COMP: variants seen among roughly 807,000 people sequenced by gnomAD.
COMP encodes the protein cartilage oligomeric matrix protein, also known as cartilage oligomeric matrix protein (pseudoachondroplasia, epiphyseal dysplasia 1, multiple).
A neutral mutation model predicts 95.8 loss-of-function variants in COMP; 79 were observed. The ratio of observed to expected loss-of-function variants is 0.82; its 90% CI spans 0.69 to 0.99. The LOEUF (loss-of-function observed/expected upper bound fraction) is 0.99. Among genes scored for constraint, COMP ranks in the 50% least tolerant of loss-of-function variants. The probability of loss-of-function intolerance (pLI) is 0.00; values close to 1 mark genes in which losing one functional copy is unlikely to be tolerated. For missense variants in COMP, 906 were observed against 1,076.1 expected, an observed-to-expected ratio of 0.84 and a Z score of 2.21; for synonymous variants, 438 against 433.9, an observed-to-expected ratio of 1.01 and a Z score of -0.12.
intron 3 of COMP, 78 bp from the exon 4 acceptor site, chr19:18,790,192 C>T: frequency 8.5e-7 from 1 of 1,176,476 alleles, no homozygotes; most frequent in Non-Finnish European, 1.2e-6. Flanking sequence ...GGCCACGCCC[C>T]GGGGCTGGAG....
chr19:18,791,184 G>A lies in COMP; in HGVS notation c.79+7C>T, dbSNP rs771546115. On this transcript the variant is annotated splice_region_variant and intron_variant, in intron 1 of 18. Coordinates refer to ENST00000222271, the MANE Select transcript of COMP (RefSeq NM_000095.3). Reference sequence around the variant, plus strand: ...GTGGGCACGGCGCGGGTGCTAACGCGGCTTACCCAACGGGCTCTGGCCCTG... The same window carrying A: ...GTGGGCACGGCGCGGGTGCTAACGCAGCTTACCCAACGGGCTCTGGCCCTG... 2 of 1,578,324 alleles carry A rather than the reference G, an allele frequency of 1.3e-6. No homozygotes were observed. Among genetic ancestry groups the A allele is most frequent in the East Asian group, 2.3e-5 (1 of 43,496 alleles).
intron 11 of COMP, 55 bp from the exon 12 acceptor site, chr19:18,786,346 T>TC: frequency 3.1e-6 from 5 of 1,611,838 alleles, no homozygotes; most frequent in Non-Finnish European, 4.2e-6. Flanking sequence ...TCAGAAAGCC[T>TC]CCCACCCAAC....
Position 18,784,338 on chromosome 19 carries a change from C to T in COMP, c.1940G>A (p.Gly647Glu). ...CCACAGAGCGTTCCGCAGCTGTTCC[C>T]CGGGGCCTGTGGAAGACTTCACAGC... ...LKAVKSSTGP[G>E]EQLRNALWHT... Residue 647 changes from glycine to glutamate, a missense_variant, in exon 17 of 19, where the codon GGG (glycine) becomes GAG (glutamate). By Grantham distance (98) the Gly-to-Glu change is moderately conservative. Coordinates refer to ENST00000222271, the MANE Select transcript of COMP (RefSeq NM_000095.3). This position sits in a 1 kb window ranked among gnomAD's most constrained non-coding sequence, Gnocchi z 4.9. 2 of 1,614,020 alleles carry T rather than the reference C, an allele frequency of 1.2e-6. No homozygotes were observed. Among genetic ancestry groups the T allele is most frequent in the Non-Finnish European group, 1.7e-6 (2 of 1,180,040 alleles).
chr19:18,786,635 G>T lies in COMP; in HGVS notation c.1151C>A (p.Ala384Asp), dbSNP rs1458345273. 1 of 1,613,922 alleles carries T rather than the reference G, an allele frequency of 6.2e-7. No homozygotes were observed. The highest frequency in any genetic ancestry group is 8.5e-7 in the Non-Finnish European group (1 of 1,179,906). Reference sequence around the variant, plus strand: ...GTTGGGTACCCTAGGGCAGTTGTCGGCCTGGTTGCGGATCCCTGCAGAAAT... The same window carrying T: ...GTTGGGTACCCTAGGGCAGTTGTCGTCCTGGTTGCGGATCCCTGCAGAAAT... Reference protein sequence around the residue: ...DIDGDRIRNQADNCPRVPNSD... With the variant: ...DIDGDRIRNQDDNCPRVPNSD... The change falls in exon 11 of 19, where the codon GCC (alanine) becomes GAC (aspartate). Residue 384 changes from alanine to aspartate, a missense_variant. Transcript: ENST00000222271.
chr19:18,790,197 C>G, intron 3 of COMP, 83 bp from the exon 4 acceptor site: 1 of 1,102,882 alleles, frequency 9.1e-7, no homozygotes, highest in East Asian at 2.6e-5. Context: ...CGCCCCGGGG[C>G]TGGAGGCTTC....
At position 18,788,397 on chromosome 19, in the gene COMP, C is replaced by T. The variant is rs772321204; in HGVS notation, c.867+13G>A. 15 of 1,594,944 alleles carry T rather than the reference C, an allele frequency of 9.4e-6. No homozygotes were observed. In the African/African-American group the frequency reaches 1.6e-4, roughly 17 times the overall value. ...CCTCCTGCCCAAGCCCGCCCCGCTC[C>T]GCCCCCACCCACCTTACGGCACTGG... On this transcript the variant is annotated intron_variant, in intron 8 of 18. Transcript: ENST00000222271. This position sits in a 1 kb window ranked among gnomAD's most constrained non-coding sequence, Gnocchi z 4.7.
At chr19:18,786,956 A>C in intron 10 of COMP, 1 of 357,738 alleles carries the variant, frequency 2.8e-6, no homozygotes, top group South Asian at 2.4e-5. Flanking sequence ...TATTTTTAGT[A>C]CAGACGGAGT....
In COMP at chr19:18,783,128, C is replaced by T. The variant is rs149551600; in HGVS notation, c.2153G>A (p.Arg718Gln). 9 of 1,611,012 alleles carry T rather than the reference C, an allele frequency of 5.6e-6. No individual in the cohort carries two copies. Among genetic ancestry groups the T allele is most frequent in the African/African-American group, 2.7e-5 (2 of 74,946 alleles). ...DSNVVLDTTM[R>Q]GGRLGVFCFS... ...GCAGAAGACCCCCAGGCGGCCACCC[C>T]GCATGGTTGTGTCCAAGACCACGTT... is the stretch of plus-strand genomic sequence containing the variant. Residue 718 changes from arginine to glutamine, a missense_variant, in exon 18 of 19, where the codon CGG becomes CAG. Transcript: ENST00000222271.
chr19:18,784,821 G>T lies in COMP; in HGVS notation c.1914+75C>A. 6.6e-7 allele frequency: 1 copy of T among 1,521,038 alleles called. No homozygotes were observed. The highest frequency in any genetic ancestry group is 2.2e-5 in the East Asian group (1 of 44,456). 94.2% of individuals were successfully genotyped at this position (1,521,038 alleles called of 1,614,324 possible). A position where few individuals can be genotyped will look rare whatever the true frequency, so the allele number is the denominator to read the frequency against. On this transcript the variant is annotated intron_variant, in intron 16 of 18. Coordinates refer to ENST00000222271, the MANE Select transcript of COMP (RefSeq NM_000095.3). This position sits in a 1 kb window ranked among gnomAD's most constrained non-coding sequence, Gnocchi z 4.9. Reference sequence around the variant, plus strand: ...GGCTAGGGGGCTGGGGGGCTCTAAGGGCTGTAAAGGGTTTTACGGAGGGTC... The same window carrying T: ...GGCTAGGGGGCTGGGGGGCTCTAAGTGCTGTAAAGGGTTTTACGGAGGGTC...
Position 18,784,148 on chromosome 19 carries a change from G to A in COMP, c.2087+43C>T, listed in dbSNP as rs1253300635. 6 of 1,610,078 alleles carry A rather than the reference G, an allele frequency of 3.7e-6. No homozygotes were observed. Among genetic ancestry groups the A allele is most frequent in the Non-Finnish European group, 5.1e-6 (6 of 1,178,240 alleles). ...GGCCAGGGCACTCCCACCTGGGCCT[G>A]TGTGTCCCCAGCCCAGCCCACCACA... On this transcript the variant is annotated intron_variant, in intron 17 of 18. Transcript: ENST00000222271. This position sits in a 1 kb window ranked among gnomAD's most constrained non-coding sequence, Gnocchi z 4.9.
intron 10 of COMP, 144 bp downstream of exon 10, chr19:18,787,347 C>A (rs1276327037): frequency 5.9e-6 from 7 of 1,186,896 alleles, no homozygotes; most frequent in Middle Eastern, 2.8e-4. Context: ...TTTTCTGGCG[C>A]CCCACCATGG....
rs944959648 is a variant in COMP, at chr19:18,791,103, C to A, written c.79+88G>T. ...ACGTCCCCTACGAACAGTCCGTGAG[C>A]CCCAAACAGCCTGGATCCCGGGCCT... On this transcript the variant is annotated intron_variant, in intron 1 of 18. Transcript: ENST00000222271. 22 of 1,517,474 alleles carry A rather than the reference C, an allele frequency of 1.4e-5. No individual in the cohort carries two copies. The African/African-American group carries it at 1.9e-4, about 13-fold the overall frequency. The allele number at this position is 1,517,474 out of a possible 1,614,324, so 94.0% of individuals were successfully genotyped here. A position where few individuals can be genotyped will look rare whatever the true frequency, so the allele number is the denominator to read the frequency against.
Position 18,788,588 on chromosome 19 carries a change from T to C in COMP, c.762+4A>G. 6.4e-7 allele frequency: 1 copy of C among 1,555,462 alleles called. No individual in the cohort carries two copies. The highest frequency in any genetic ancestry group is 8.7e-7 in the Non-Finnish European group (1 of 1,150,266). ...CGCCTCAAGCCCAGCCCGCCCGCACTCACCACGCACGACCGCGAGCCATCG... is the reference window on the plus strand; with the variant it reads ...CGCCTCAAGCCCAGCCCGCCCGCACCCACCACGCACGACCGCGAGCCATCG... On this transcript the variant is annotated splice_donor_region_variant and intron_variant, in intron 7 of 18. Coordinates refer to ENST00000222271, the MANE Select transcript of COMP (RefSeq NM_000095.3). The surrounding 1 kb of genome is among the most constrained non-coding windows in gnomAD (Gnocchi z 4.7).
At chr19:18,786,763 CTTTTTTTTTT>C (rs10577504) in intron 10 of COMP, 113 bp from the exon 11 acceptor site, 91 of 283,750 alleles carry the variant, frequency 3.2e-4, no homozygotes, top group African/African-American at 1.2e-3. Flanking sequence ...TTCATGGAAG[CTTTTTTTTTT>C]TTTTTTTTTT....
At position 18,786,212 on chromosome 19, in the gene COMP, G is replaced by C. The variant is rs375203531; in HGVS notation, c.1307+27C>G. On this transcript the variant is annotated intron_variant, in intron 12 of 18. Coordinates refer to ENST00000222271, the MANE Select transcript of COMP (RefSeq NM_000095.3). Reference sequence around the variant, plus strand: ...AGAGCGTTTTGTCAAAGGCTACCCGGACGCCCACCCCAGGTGGCCTCCTTA... The same window carrying C: ...AGAGCGTTTTGTCAAAGGCTACCCGCACGCCCACCCCAGGTGGCCTCCTTA... 35 of 1,614,178 alleles carry C rather than the reference G, an allele frequency of 2.2e-5. 1 individual carries two copies. The highest frequency in any genetic ancestry group is 1.6e-4 in the Middle Eastern group (1 of 6,062).
At position 18,782,902 on chromosome 19, in the gene COMP, C is replaced by G; in HGVS notation, c.*13G>C. The G allele has an allele frequency of 6.2e-7, 1 of 1,610,776 alleles. No homozygotes were observed. Among genetic ancestry groups the G allele is most frequent in the South Asian group, 1.1e-5 (1 of 91,030 alleles). ...GAGGGTGGCTGTCATCCGGCGGGTC[C>G]TCACCCTGGTCCCTAGGCTTGCCGC... is the stretch of plus-strand genomic sequence containing the variant. On this transcript the variant is annotated 3_prime_UTR_variant, in exon 19 of 19. Coordinates refer to ENST00000222271, the MANE Select transcript of COMP (RefSeq NM_000095.3).
rs2055177176 is a variant in COMP, at chr19:18,787,634, A to G, written c.992T>C (p.Val331Ala). Residue 331 changes from valine (V) to alanine (A), a missense_variant, in exon 10 of 19, where the codon GTG becomes GCG. Coordinates refer to ENST00000222271, the MANE Select transcript of COMP (RefSeq NM_000095.3). ...CGTGTTGCGCTGGTCTGGGTTCCGC[A>G]CCAGCGGGCAGTTGTCCTGGATGAC... Reference protein sequence around the residue: ...VPNEKDNCPLVRNPDQRNTDE... With the variant: ...VPNEKDNCPLARNPDQRNTDE... The G allele has an allele frequency of 6.2e-7, 1 of 1,613,724 alleles. No individual in the cohort carries two copies. Among genetic ancestry groups the G allele is most frequent in the African/African-American group, 1.3e-5 (1 of 74,884 alleles).
At position 18,786,289 on chromosome 19, in the gene COMP, C is replaced by A. The variant is rs776212021; in HGVS notation, c.1257G>T (p.Ala419=). The A allele has an allele frequency of 6.2e-7, 1 of 1,613,930 alleles. No individual in the cohort carries two copies. Among genetic ancestry groups the A allele is most frequent in the Non-Finnish European group, 8.5e-7 (1 of 1,180,034 alleles). Residue 419 remains alanine (A), a splice_region_variant and synonymous_variant, in exon 12 of 19, where the codon GCG becomes GCT. Coordinates refer to ENST00000222271, the MANE Select transcript of COMP (RefSeq NM_000095.3). ...NCPQKSNPDQ[A]DVDHDFVGDA... ...CTCCCACAAAGTCGTGGTCCACATC[C>A]GCCTGCGGAGGGCAGCATGCGGGGG...
In COMP at chr19:18,789,306, G is replaced by A. The variant is rs970046781; in HGVS notation, c.391-9C>T. On this transcript the variant is annotated splice_polypyrimidine_tract_variant and intron_variant, in intron 4 of 18. Transcript: ENST00000222271. The surrounding 1 kb of genome is among the most constrained non-coding windows in gnomAD (Gnocchi z 6.1). ...CAGGGGTGGGCGTTGCACTGGGGGAGGAGGGGCCACAGAGGGTCAGAGGGC... is the reference window on the plus strand; with the variant it reads ...CAGGGGTGGGCGTTGCACTGGGGGAAGAGGGGCCACAGAGGGTCAGAGGGC... 4 of 1,479,472 alleles carry A rather than the reference G, an allele frequency of 2.7e-6. No homozygotes were observed. Among genetic ancestry groups the A allele is most frequent in the South Asian group, 1.4e-5 (1 of 69,440 alleles). 91.6% of individuals were successfully genotyped at this position (1,479,472 alleles called of 1,614,324 possible). A position where few individuals can be genotyped will look rare whatever the true frequency, so the allele number is the denominator to read the frequency against.
Sources: allele counts gnomAD v4.1 joint callset, GRCh38; gene constraint gnomAD v4.1.1; non-coding constraint Gnocchi (gnomAD v3.1); transcripts MANE v1.5; gene names NCBI Gene and HGNC (gene_info 2026-07-23, HGNC 2026-07-21).